LAMA1: variants seen among roughly 807,000 people sequenced by gnomAD.
LAMA1 encodes the protein laminin subunit alpha-1.
LAMA1 carries 219 observed loss-of-function variants against 348.7 expected under a neutral mutation model. That is an observed-to-expected ratio of 0.63 (90% CI 0.56 to 0.70). The LOEUF (loss-of-function observed/expected upper bound fraction) is 0.70. Ranked by LOEUF, LAMA1 falls within the 30% of genes least tolerant of loss-of-function variation. The pLI is 0.00. For missense variants in LAMA1, 3,744 were observed against 3,888.0 expected (o/e 0.96, Z 0.99); for synonymous variants, 1,487 against 1,491.0 (o/e 1.00, Z 0.06).
intron 1 of LAMA1, among the ~76,000 whole-genome samples, chr18:7,083,709 C>T (rs1279987070): frequency 6.6e-6 from 1 of 151,932 alleles, no homozygotes; most frequent in African/African-American, 2.4e-5. Context: ...ATATTTACTC[C>T]CTTTTCATAG....
chr18:7,000,694 G>C (rs73392454), intron 30 of LAMA1, among the ~76,000 whole-genome samples: 2,667 of 152,296 alleles, frequency 0.018, 82 homozygotes, highest in African/African-American at 0.061. Flanking sequence ...TCTAGAGGCT[G>C]AGCTGGGTGC....
At chr18:7,117,523 GCCGAGACACCCACT>G (rs2058362605) in intron 1 of LAMA1, 123 bp downstream of exon 1, 5 of 830,266 alleles carry the variant, frequency 6.0e-6, no homozygotes, top group Non-Finnish European at 7.4e-6. Context: ...GACCCACGTG[GCCGAGACACCCACT>G]CCGAGGTGGA....
chr18:6,982,632 G>A, intron 40 of LAMA1, 42 bp from the exon 41 acceptor site: 3 of 1,506,546 alleles, frequency 2.0e-6, no homozygotes, highest in Non-Finnish European at 2.8e-6. Flanking sequence ...AGCAGGGCAG[G>A]GTGGAGTCCT....
chr18:7,105,449 T>C (rs1355876439), intron 1 of LAMA1, among the ~76,000 whole-genome samples: 1 of 134,446 alleles, frequency 7.4e-6, no homozygotes, highest in Non-Finnish European at 1.6e-5. Context: ...AAAAAATAAA[T>C]AAATAAATAA....
In LAMA1 at chr18:6,977,804, T is replaced by G. The variant is rs1297971636; in HGVS notation, c.6268A>C (p.Met2090Leu). 1 of 1,614,038 alleles carries G rather than the reference T, an allele frequency of 6.2e-7. No homozygotes were observed. Among genetic ancestry groups the G allele is most frequent in the Non-Finnish European group, 8.5e-7 (1 of 1,180,044 alleles). Residue 2090 changes from methionine (M) to leucine (L), a missense_variant, in exon 44 of 63, where the codon ATG (methionine) becomes CTG (leucine). Transcript: ENST00000389658. ...TTTCTGCTCAGATTCTCCTCTAACATCTTCAAAGGCTTCAACCGATCAAAC... is the reference window on the plus strand; with the variant it reads ...TTTCTGCTCAGATTCTCCTCTAACAGCTTCAAAGGCTTCAACCGATCAAAC... ...LLFDRLKPLK[M>L]LEENLSRNLS...
chr18:7,090,360 G>A, intron 1 of LAMA1, among the ~76,000 whole-genome samples: 1 of 152,086 alleles, frequency 6.6e-6, no homozygotes, highest in Non-Finnish European at 1.5e-5. Flanking sequence ...ATAACCAGTA[G>A]TTATTTTATG....
intron 1 of LAMA1, among the ~76,000 whole-genome samples, chr18:7,115,484 T>C (rs2058351655): frequency 6.6e-6 from 1 of 152,052 alleles, no homozygotes; most frequent in Admixed American, 6.6e-5. Context: ...AGCTGTAAGG[T>C]AACCCAGAGA....
intron 23 of LAMA1, 106 bp downstream of exon 23, chr18:7,013,709 C>T: frequency 9.8e-7 from 1 of 1,015,966 alleles, no homozygotes; most frequent in Non-Finnish European, 1.5e-6. Flanking sequence ...TGTGAACTCA[C>T]TAGGAAAAGC....
chr18:6,989,095 C>T (rs1286289451), intron 36 of LAMA1, among the ~76,000 whole-genome samples: 1 of 152,148 alleles, frequency 6.6e-6, no homozygotes, highest in Non-Finnish European at 1.5e-5. Flanking sequence ...ATGTGCTAGG[C>T]AGAGGGTGCC....
chr18:7,012,279 G>A (rs142910482), intron 23 of LAMA1, 141 bp from the exon 24 acceptor site: 16 of 861,934 alleles, frequency 1.9e-5, no homozygotes, highest in South Asian at 7.3e-5. Context: ...AGCCAGGCCC[G>A]GAGCTTTCTG....
intron 3 of LAMA1, among the ~76,000 whole-genome samples, chr18:7,063,911 A>C (rs2058112367): frequency 6.6e-6 from 1 of 152,120 alleles, no homozygotes; most frequent in South Asian, 2.1e-4. Flanking sequence ...GGGAAGATGA[A>C]AAAGTTCTGG....
intron 57 of LAMA1, among the ~76,000 whole-genome samples, chr18:6,953,094 A>G (rs941378441): frequency 1.2e-4 from 17 of 144,046 alleles, no homozygotes; most frequent in South Asian, 2.3e-4. Flanking sequence ...GCCTGTGTCC[A>G]GTGGATCCAC....
intron 16 of LAMA1, among the ~76,000 whole-genome samples, chr18:7,027,135 G>A (rs2057947537): frequency 6.6e-6 from 1 of 152,184 alleles, no homozygotes; most frequent in Admixed American, 6.5e-5. Context: ...TGGAGGGAAG[G>A]ATGCTATACA....
chr18:6,981,163 T>C (rs1215109109), intron 41 of LAMA1, among the ~76,000 whole-genome samples: 1 of 152,198 alleles, frequency 6.6e-6, no homozygotes, highest in East Asian at 1.9e-4. Flanking sequence ...TTTCTCTACT[T>C]TGCTTGTTGA....
rs759017428 is a variant in LAMA1, at chr18:6,972,025, C to T, written c.6775-44G>A. On this transcript the variant is annotated intron_variant, in intron 47 of 62. Transcript: ENST00000389658. Reference sequence around the variant, plus strand: ...CAAACATAACCAATATATAAGCTGACCAAGCAAAATACATTCTCCAAGTGC... The same window carrying T: ...CAAACATAACCAATATATAAGCTGATCAAGCAAAATACATTCTCCAAGTGC... 5 of 1,609,568 alleles carry T rather than the reference C, an allele frequency of 3.1e-6. No individual in the cohort carries two copies. The Admixed American group carries it at 6.7e-5, about 21-fold the overall frequency.
At chr18:7,107,756 T>C (rs1029495978) in intron 1 of LAMA1, among the ~76,000 whole-genome samples, 1 of 152,200 alleles carries the variant, frequency 6.6e-6, no homozygotes, top group Non-Finnish European at 1.5e-5. Flanking sequence ...GGCTCACACC[T>C]GTAATCCCAG....
intron 35 of LAMA1, 118 bp from the exon 36 acceptor site, chr18:6,992,838 T>C: frequency 7.3e-6 from 6 of 821,720 alleles, no homozygotes; most frequent in Non-Finnish European, 1.2e-5. Context: ...GAGTTGGACC[T>C]CCATGTCAGG....
intron 3 of LAMA1, among the ~76,000 whole-genome samples, chr18:7,073,215 C>T (rs991508976): frequency 6.6e-6 from 1 of 152,128 alleles, no homozygotes; most frequent in Non-Finnish European, 1.5e-5. Context: ...TGACATAATA[C>T]ACCAAATATT....
intron 41 of LAMA1, among the ~76,000 whole-genome samples, chr18:6,981,863 T>C (rs1171319832): frequency 1.3e-5 from 2 of 152,220 alleles, no homozygotes; most frequent in South Asian, 2.1e-4. Context: ...AAGCACATTA[T>C]TTGTTATAAA....
Sources: gnomAD v4.1 joint callset for allele counts (sites outside exome capture counted in the v4.1 genomes callset) on GRCh38, gnomAD v4.1.1 for gene constraint, MANE v1.5 for transcripts, NCBI Gene and HGNC (gene_info 2026-07-23, HGNC 2026-07-21) for gene names.